The following OR10AG1 variants were observed in gnomAD, a reference collection of about 807,000 sequenced individuals.
The protein encoded by OR10AG1 is olfactory receptor 10AG1.
For missense variants in OR10AG1, 433 were observed against 376.5 expected (o/e 1.15, Z -1.24); for synonymous variants, 147 against 128.6 (o/e 1.14, Z -0.97).
rs1425720925 is a variant in OR10AG1 at position 55,968,252 on chromosome 11, C to T, written c.272G>A (p.Arg91Lys). 1.2e-6 allele frequency: 2 copies of T among 1,613,498 alleles called. No individual in the cohort carries two copies. Among genetic ancestry groups the T allele is most frequent in the Non-Finnish European group, 1.7e-6 (2 of 1,179,598 alleles). The part of the protein sequence containing the change: ...EICYVTIIIP[R>K]MLMDIWTQKG... ...CTGAGTCCAAATGTCCATGAGCATT[C>T]TTGGGATAATGATTGTTACATAACA... is the stretch of plus-strand genomic sequence containing the variant. Residue 91 changes from arginine (R) to lysine (K), a missense_variant, in exon 2 of 2, where the codon AGA (arginine) becomes AAA (lysine). By Grantham distance (26) the Arg-to-Lys change is conservative (BLOSUM62 2). Transcript: ENST00000641071.
rs1852685449 is a variant in OR10AG1 at position 55,966,110 on chromosome 11, T to C, written c.*1448A>G. ...AAAGATGTACTCCAGTGTCTTCATA[T>C]ACTCTGAGAGTGACTTCCCTTTACT... On this transcript the variant is annotated 3_prime_UTR_variant, in exon 2 of 2. Transcript: ENST00000641071. 1 of 151,990 alleles carries C rather than the reference T, an allele frequency of 6.6e-6. No homozygotes were observed. The allele number at this position is 151,990 out of a possible 1,614,324, so 9.4% of individuals were successfully genotyped here.
chr11:55,968,064 G>T lies in OR10AG1; in HGVS notation c.460C>A (p.Gln154Lys). ...PLVMNHKVCI[Q>K]LIIASWTITI... ...ATGGTCCAGGAAGCTATTATCAGCTGAATGCAGACTTTGTGGTTCATCACT... is the reference window on the plus strand; with the variant it reads ...ATGGTCCAGGAAGCTATTATCAGCTTAATGCAGACTTTGTGGTTCATCACT... Residue 154 changes from glutamine to lysine, a missense_variant, in exon 2 of 2, where the codon CAG (glutamine) becomes AAG (lysine). Gln to Lys is a moderately conservative substitution (Grantham distance 53). Transcript: ENST00000641071. 1.2e-6 allele frequency: 2 copies of T among 1,614,060 alleles called. No individual in the cohort carries two copies. Among genetic ancestry groups the T allele is most frequent in the Non-Finnish European group, 1.7e-6 (2 of 1,179,990 alleles).
Position 55,967,385 on chromosome 11 carries a change from C to T in OR10AG1, c.*173G>A, listed in dbSNP as rs1852697155. The T allele has an allele frequency of 1.9e-6, 1 of 535,380 alleles. No individual in the cohort carries two copies. Among genetic ancestry groups the T allele is most frequent in the Non-Finnish European group, 3.3e-6 (1 of 304,688 alleles). 33.2% of individuals were successfully genotyped at this position (535,380 alleles called of 1,614,324 possible). ...TTAGTTAAATTGTGCTCCAACTGCA[C>T]AGTAGCACATAACTATATTCTGTGA... On this transcript the variant is annotated 3_prime_UTR_variant, in exon 2 of 2. Coordinates refer to ENST00000641071, the MANE Select transcript of OR10AG1 (RefSeq NM_001005491.2).
chr11:55,968,449 A>G lies in OR10AG1; in HGVS notation c.75T>C (p.Leu25=). ...SNVTTIMEFV[L]LGFSDIPNLH... ...GATTGGGAATATCAGAAAACCCCAA[A>G]AGAACAAATTCCATTATTGTAGTCA... Residue 25 remains leucine (L), a synonymous_variant, in exon 2 of 2, where the codon CTT becomes CTC. Coordinates refer to ENST00000641071, the MANE Select transcript of OR10AG1 (RefSeq NM_001005491.2). 1 of 1,557,372 alleles carries G rather than the reference A, an allele frequency of 6.4e-7. No individual in the cohort carries two copies. Among genetic ancestry groups the G allele is most frequent in the South Asian group, 1.2e-5 (1 of 82,290 alleles).
intron 1 of OR10AG1, among the ~76,000 whole-genome samples, chr11:55,968,775 G>A (rs1057190612): frequency 9.2e-5 from 14 of 152,064 alleles, no homozygotes; most frequent in African/African-American, 3.1e-4. Flanking sequence ...TATTATGGAG[G>A]AATAACATCT....
At chr11:55,969,217 A>T (rs918826333) in intron 1 of OR10AG1, among the ~76,000 whole-genome samples, 1 of 152,038 alleles carries the variant, frequency 6.6e-6, no homozygotes, top group Non-Finnish European at 1.5e-5. Flanking sequence ...TATCTAAGTG[A>T]ATTTCTCCAT....
Position 55,966,286 on chromosome 11 carries a change from A to G in OR10AG1, c.*1272T>C, listed in dbSNP as rs1037717981. The stretch of plus-strand genomic sequence containing the variant: ...GTAAGAAGAATATATATATATATAT[A>G]TATATTTTTTTTTTTAAACAGAAGT... On this transcript the variant is annotated 3_prime_UTR_variant, in exon 2 of 2. Transcript: ENST00000641071. 6 of 84,682 alleles carry G rather than the reference A, an allele frequency of 7.1e-5. No homozygotes were observed. Among genetic ancestry groups the G allele is most frequent in the Admixed American group, 5.1e-4 (5 of 9,820 alleles). 5.2% of individuals were successfully genotyped at this position (84,682 alleles called of 1,614,324 possible). A position where few individuals can be genotyped will look rare whatever the true frequency, so the allele number is the denominator to read the frequency against.
intron 1 of OR10AG1, among the ~76,000 whole-genome samples, chr11:55,968,929 C>T (rs1852718464): frequency 6.6e-6 from 1 of 151,966 alleles, no homozygotes; most frequent in South Asian, 2.1e-4. Flanking sequence ...AATTCATACT[C>T]AAAATGAATT....
chr11:55,968,396 A>G lies in OR10AG1; in HGVS notation c.128T>C (p.Leu43Ser). 1 of 1,602,492 alleles carries G rather than the reference A, an allele frequency of 6.2e-7. No individual in the cohort carries two copies. Among genetic ancestry groups the G allele is most frequent in the Non-Finnish European group, 8.5e-7 (1 of 1,173,076 alleles). ...NLHWMLFSIF[L>S]LMYLMILMCN... ...CATCAGGATCATCAAATACATAAGTAAAAATATACTAAAAAGCATCCAGTG... is the reference window on the plus strand; with the variant it reads ...CATCAGGATCATCAAATACATAAGTGAAAATATACTAAAAAGCATCCAGTG... Residue 43 changes from leucine (L) to serine (S), a missense_variant, in exon 2 of 2, where the codon TTA (leucine) becomes TCA (serine). By Grantham distance (145) the Leu-to-Ser change is moderately radical. Coordinates refer to ENST00000641071, the MANE Select transcript of OR10AG1 (RefSeq NM_001005491.2).
chr11:55,968,721 A>G (rs918553992), intron 1 of OR10AG1, among the ~76,000 whole-genome samples: 36 of 152,268 alleles, frequency 2.4e-4, no homozygotes, highest in African/African-American at 8.4e-4. Context: ...CTGGGATATA[A>G]TGCAACCAGA....
Position 55,968,319 on chromosome 11 carries a change from G to T in OR10AG1, c.205C>A (p.Pro69Thr). 1 of 1,613,506 alleles carries T rather than the reference G, an allele frequency of 6.2e-7. No individual in the cohort carries two copies. The highest frequency in any genetic ancestry group is 8.5e-7 in the Non-Finnish European group (1 of 1,179,560). Reference protein sequence around the residue: ...LIKIHPALQTPMYFFLSNFSL... With the variant: ...LIKIHPALQTTMYFFLSNFSL... Reference sequence around the variant, plus strand: ...AAATTGCTAAGAAAAAAATACATGGGAGTCTGGAGAGCGGGGTGAATTTTT... The same window carrying T: ...AAATTGCTAAGAAAAAAATACATGGTAGTCTGGAGAGCGGGGTGAATTTTT... Residue 69 changes from proline (P) to threonine (T), a missense_variant, in exon 2 of 2, where the codon CCC becomes ACC. Pro to Thr is a conservative substitution (Grantham distance 38, BLOSUM62 -1). Transcript: ENST00000641071.
In OR10AG1 at chr11:55,967,727, C is replaced by T. The variant is rs920275999; in HGVS notation, c.797G>A (p.Gly266Asp). The T allele has an allele frequency of 2.5e-6, 4 of 1,613,920 alleles. No individual in the cohort carries two copies. Among genetic ancestry groups the T allele is most frequent in the Middle Eastern group, 1.7e-4 (1 of 6,060 alleles). The stretch of plus-strand genomic sequence containing the variant: ...TTTGGGCTGTAAATAAGTGATAGTA[C>T]CTGCTCCAAAGAATAAGATTACAAC... ...LIVVILFFGA[G>D]TITYLQPKPH... is the part of the protein sequence containing the mutation. The change falls in exon 2 of 2, where the codon GGT (glycine) becomes GAT (aspartate). Residue 266 changes from glycine (G) to aspartate (D), a missense_variant. Coordinates refer to ENST00000641071, the MANE Select transcript of OR10AG1 (RefSeq NM_001005491.2).
chr11:55,967,162 A>G lies in OR10AG1; in HGVS notation c.*396T>C, dbSNP rs1181325007. 3 of 156,176 alleles carry G rather than the reference A, an allele frequency of 1.9e-5. No individual in the cohort carries two copies. The highest frequency in any genetic ancestry group is 7.2e-5 in the African/African-American group (3 of 41,512). 9.7% of individuals were successfully genotyped at this position (156,176 alleles called of 1,614,324 possible). On this transcript the variant is annotated 3_prime_UTR_variant, in exon 2 of 2. Coordinates refer to ENST00000641071, the MANE Select transcript of OR10AG1 (RefSeq NM_001005491.2). ...ATCTTAGCTATTTTTGGTGTTTCTA[A>G]TCAGTTAAATCCAAACCCAAGGGTC...
intron 1 of OR10AG1, among the ~76,000 whole-genome samples, chr11:55,969,185 T>C (rs181715519): frequency 1.3e-5 from 2 of 151,232 alleles, no homozygotes; most frequent in South Asian, 2.1e-4. Flanking sequence ...TTCATCACAA[T>C]TTTTTTTACA....
rs1262442195 is a variant in OR10AG1 at position 55,967,375 on chromosome 11, T to C, written c.*183A>G. The stretch of plus-strand genomic sequence containing the variant: ...TCTTGGCACCTTAGTTAAATTGTGC[T>C]CCAACTGCACAGTAGCACATAACTA... On this transcript the variant is annotated 3_prime_UTR_variant, in exon 2 of 2. Coordinates refer to ENST00000641071, the MANE Select transcript of OR10AG1 (RefSeq NM_001005491.2). 6 of 493,774 alleles carry C rather than the reference T, an allele frequency of 1.2e-5. No individual in the cohort carries two copies. Among genetic ancestry groups the C allele is most frequent in the Non-Finnish European group, 2.1e-5 (6 of 281,190 alleles). 30.6% of individuals were successfully genotyped at this position (493,774 alleles called of 1,614,324 possible).
chr11:55,968,091 G>C lies in OR10AG1; in HGVS notation c.433C>G (p.Leu145Val). Residue 145 changes from leucine (L) to valine (V), a missense_variant, in exon 2 of 2, where the codon CTA (leucine) becomes GTA (valine). Physicochemically the swap from Leu to Val is conservative, Grantham distance 32 (BLOSUM62 1). Transcript: ENST00000641071. Reference sequence around the variant, plus strand: ...ATGCAGACTTTGTGGTTCATCACTAGAGGATACTGCAAAGGCTTACAAATA... The same window carrying C: ...ATGCAGACTTTGTGGTTCATCACTACAGGATACTGCAAAGGCTTACAAATA... ...VAICKPLQYP[L>V]VMNHKVCIQL... 6.2e-7 allele frequency: 1 copy of C among 1,614,012 alleles called. No individual in the cohort carries two copies. Among genetic ancestry groups the C allele is most frequent in the Non-Finnish European group, 8.5e-7 (1 of 1,179,966 alleles).
At position 55,966,588 on chromosome 11, in the gene OR10AG1, G is replaced by C. The variant is rs1011681373; in HGVS notation, c.*970C>G. On this transcript the variant is annotated 3_prime_UTR_variant, in exon 2 of 2. Transcript: ENST00000641071. ...TTGGCAGGAACTCACTTCCTTCAAAGGCTTTAAGGATGACTCATTCCTTGC... is the reference window on the plus strand; with the variant it reads ...TTGGCAGGAACTCACTTCCTTCAAACGCTTTAAGGATGACTCATTCCTTGC... 1.3e-5 allele frequency: 2 copies of C among 151,990 alleles called. No homozygotes were observed. Among genetic ancestry groups the C allele is most frequent in the African/African-American group, 4.8e-5 (2 of 41,320 alleles). The allele number at this position is 151,990 out of a possible 1,614,324, so 9.4% of individuals were successfully genotyped here. A position where few individuals can be genotyped will look rare whatever the true frequency, so the allele number is the denominator to read the frequency against.
chr11:55,968,365 A>G lies in OR10AG1; in HGVS notation c.159T>C (p.Asn53=). The G allele has an allele frequency of 6.2e-7, 1 of 1,607,306 alleles. No homozygotes were observed. The highest frequency in any genetic ancestry group is 8.5e-7 in the Non-Finnish European group (1 of 1,173,992). Residue 53 remains asparagine, a synonymous_variant, in exon 2 of 2, where the codon AAT becomes AAC. Coordinates refer to ENST00000641071, the MANE Select transcript of OR10AG1 (RefSeq NM_001005491.2). ...TTTTTATTAGTAGTATTATGATGCC[A>G]TTGCACATCAGGATCATCAAATACA... ...LLMYLMILMC[N]GIIILLIKIH... is the part of the protein sequence containing the mutation.
At position 55,967,866 on chromosome 11, in the gene OR10AG1, C is replaced by T; in HGVS notation, c.658G>A (p.Val220Met). 1 of 1,614,042 alleles carries T rather than the reference C, an allele frequency of 6.2e-7. No individual in the cohort carries two copies. Among genetic ancestry groups the T allele is most frequent in the Non-Finnish European group, 8.5e-7 (1 of 1,179,978 alleles). ...VHVVAVVFIT[V>M]PFLLIVVSYG... ...GAGACAACAATCAACAGAAATGGCACCGTGATAAACACCACCGCTACTACA... is the reference window on the plus strand; with the variant it reads ...GAGACAACAATCAACAGAAATGGCATCGTGATAAACACCACCGCTACTACA... Residue 220 changes from valine to methionine, a missense_variant, in exon 2 of 2, where the codon GTG (valine) becomes ATG (methionine). Physicochemically the swap from Val to Met is conservative, Grantham distance 21 (BLOSUM62 1). Transcript: ENST00000641071.
Sources: allele counts gnomAD v4.1 joint callset (sites outside exome capture counted in the v4.1 genomes callset), GRCh38; gene constraint gnomAD v4.1.1; transcripts MANE v1.5; gene names NCBI Gene and HGNC (gene_info 2026-07-23, HGNC 2026-07-21).